HMGB1: variants seen among roughly 807,000 people sequenced by gnomAD.
HMGB1 encodes high mobility group protein B1.
For synonymous variants in HMGB1, 81 were observed against 84.0 expected (o/e 0.96, Z 0.19); for missense variants, 79 against 253.5 (o/e 0.31, Z 4.67).
chr13:30,593,018 T>A (rs914363078), intron 1 of HMGB1, among the ~76,000 whole-genome samples: 1 of 152,240 alleles, frequency 6.6e-6, no homozygotes, highest in Non-Finnish European at 1.5e-5. Flanking sequence ...TATGTCCATA[T>A]GTACCTAAGG....
At chr13:30,545,504 T>C (rs1869111935) in intron 1 of HMGB1, among the ~76,000 whole-genome samples, 1 of 152,040 alleles carries the variant, frequency 6.6e-6, no homozygotes, top group South Asian at 2.1e-4. Flanking sequence ...CAGCAGTCAC[T>C]TGAAGAATTC....
chr13:30,493,642 T>C (rs1477004502), intron 1 of HMGB1, among the ~76,000 whole-genome samples: 2 of 151,676 alleles, frequency 1.3e-5, no homozygotes, highest in African/African-American at 4.8e-5. Context: ...AAAATAAAAA[T>C]GAAAAAATTA....
chr13:30,495,794 A>G (rs1887598309), intron 1 of HMGB1, among the ~76,000 whole-genome samples: 1 of 152,106 alleles, frequency 6.6e-6, no homozygotes, highest in Middle Eastern at 3.4e-3. Flanking sequence ...TCCCTTTACT[A>G]TGTGGCAGAC....
chr13:30,481,846 T>C (rs186678488), intron 1 of HMGB1, among the ~76,000 whole-genome samples: 169 of 152,270 alleles, frequency 1.1e-3, no homozygotes, highest in African/African-American at 4.0e-3. Context: ...TCTTTCTTTT[T>C]TTTTTCTTTT....
At chr13:30,516,274 G>A (rs1888100520) in intron 1 of HMGB1, among the ~76,000 whole-genome samples, 1 of 152,210 alleles carries the variant, frequency 6.6e-6, no homozygotes, top group African/African-American at 2.4e-5. Context: ...TATTTCAGAA[G>A]TTAAATTGAT....
At chr13:30,490,480 G>A (rs1047572468) in intron 1 of HMGB1, among the ~76,000 whole-genome samples, 8 of 152,118 alleles carry the variant, frequency 5.3e-5, no homozygotes, top group African/African-American at 1.9e-4. Context: ...GTTAGTTGGC[G>A]TGGTAGTGCT....
At chr13:30,523,867 T>G (rs975759564) in intron 1 of HMGB1, among the ~76,000 whole-genome samples, 1 of 152,230 alleles carries the variant, frequency 6.6e-6, no homozygotes, top group South Asian at 2.1e-4. Context: ...CAGCTTCCTA[T>G]GTAGTTGGGA....
intron 1 of HMGB1, chr13:30,464,702 T>G: frequency 1.1e-6 from 1 of 885,152 alleles, no homozygotes; most frequent in Non-Finnish European, 1.3e-6. Flanking sequence ...GCGCGTCTTC[T>G]CCGCCTGCGC....
intron 1 of HMGB1, among the ~76,000 whole-genome samples, chr13:30,547,025 T>C (rs1306938788): frequency 6.6e-6 from 1 of 152,144 alleles, no homozygotes; most frequent in East Asian, 1.9e-4. Context: ...TACTGATGGG[T>C]TTTCAGCAAG....
At chr13:30,616,382 A>T (rs951552452) in intron 1 of HMGB1, among the ~76,000 whole-genome samples, 1 of 152,378 alleles carries the variant, frequency 6.6e-6, no homozygotes, top group African/African-American at 2.4e-5. Flanking sequence ...GTTGTTTTGC[A>T]GTCTTACAAT....
intron 1 of HMGB1, among the ~76,000 whole-genome samples, chr13:30,511,149 TAATC>T (rs1292331243): frequency 6.6e-6 from 1 of 152,170 alleles, no homozygotes; most frequent in African/African-American, 2.4e-5. Flanking sequence ...CTGCCAGTAA[TAATC>T]ATAGAACTAA....
At chr13:30,581,802 C>T (rs1017695055) in intron 1 of HMGB1, among the ~76,000 whole-genome samples, 1 of 152,174 alleles carries the variant, frequency 6.6e-6, no homozygotes, top group Admixed American at 6.5e-5. Context: ...CCCTTGTGAA[C>T]AAGTGCTCAG....
At chr13:30,614,076 G>A (rs1404602842) in intron 1 of HMGB1, among the ~76,000 whole-genome samples, 2 of 151,984 alleles carry the variant, frequency 1.3e-5, no homozygotes, top group Non-Finnish European at 2.9e-5. Flanking sequence ...CATTTACATA[G>A]AAAAAGGGAA....
In HMGB1 at chr13:30,463,663, A is replaced by T; in HGVS notation, c.18T>A (p.Pro6=). Residue 6 remains proline, a synonymous_variant, in exon 2 of 5, where the codon CCT becomes CCA. Coordinates refer to ENST00000341423, the MANE Select transcript of HMGB1 (RefSeq NM_002128.7). MGKGD[P]KKPRGKMSSY... ...ATGACATTTTGCCTCTCGGCTTCTT[A>T]GGATCTCCTTTGCCCATGTTTAGTT... 6.3e-7 allele frequency: 1 copy of T among 1,576,336 alleles called. No homozygotes were observed. The highest frequency in any genetic ancestry group is 8.6e-7 in the Non-Finnish European group (1 of 1,163,364).
chr13:30,461,179 G>C lies in HMGB1; in HGVS notation c.*178C>G, dbSNP rs1318130041. The C allele has an allele frequency of 1.5e-6, 2 of 1,317,856 alleles. No homozygotes were observed. Among genetic ancestry groups the C allele is most frequent in the African/African-American group, 3.0e-5 (2 of 65,904 alleles). 81.6% of individuals were successfully genotyped at this position (1,317,856 alleles called of 1,614,324 possible). On this transcript the variant is annotated 3_prime_UTR_variant, in exon 5 of 5. Coordinates refer to ENST00000341423, the MANE Select transcript of HMGB1 (RefSeq NM_002128.7). ...GGCTATTGAAAATACCACCAGGACA[G>C]GGCTATCTAAAGACACATTCGGTAG...
At chr13:30,597,128 TA>T (rs745532586) in intron 1 of HMGB1, among the ~76,000 whole-genome samples, 9 of 152,202 alleles carry the variant, frequency 5.9e-5, no homozygotes, top group Admixed American at 3.3e-4. Flanking sequence ...TAAACTACAA[TA>T]CCTGTGAATG....
At chr13:30,562,186 A>AGGCAGC (rs1438635513) in intron 1 of HMGB1, among the ~76,000 whole-genome samples, 7 of 151,998 alleles carry the variant, frequency 4.6e-5, no homozygotes, top group African/African-American at 1.7e-4. Context: ...AATCCCAGCT[A>AGGCAGC]CTAGGGAGGC....
rs569158267 is a variant in HMGB1, at chr13:30,503,639, C to T, written c.-14-39945G>A. ...CAATTCTGTAGGGTCACCGATCCTA[C>T]TCAGCTTCTTTTTTTTTTTTTTTTT... On this transcript the variant is annotated intron_variant, in intron 1 of 4. Transcript: ENST00000405805. Among the ~76,000 whole-genome samples the T allele has an allele frequency of 2.8e-5, 4 of 141,870 alleles. No homozygotes were observed. The East Asian group carries it at 8.4e-4, about 30-fold the overall frequency. 93.1% of individuals were successfully genotyped at this position (141,870 alleles called of 152,430 possible).
chr13:30,602,081 C>A (rs957294400), intron 1 of HMGB1, among the ~76,000 whole-genome samples: 1 of 152,086 alleles, frequency 6.6e-6, no homozygotes, highest in African/African-American at 2.4e-5. Context: ...AGTACCACAG[C>A]CTCAGACATG....
Sources: gnomAD v4.1 joint callset for allele counts (sites outside exome capture counted in the v4.1 genomes callset) on GRCh38, gnomAD v4.1.1 for gene constraint, MANE v1.5 for transcripts, NCBI Gene and HGNC (gene_info 2026-07-23, HGNC 2026-07-21) for gene names.